Variants in MICU3 observed in about 807,000 individuals in gnomAD.
MICU3 encodes the protein calcium uptake protein 3, mitochondrial.
A neutral mutation model predicts 66.5 loss-of-function variants in MICU3; 62 were observed. That is an observed-to-expected ratio of 0.93 (90% CI 0.76 to 1.15). The LOEUF is 1.15. Ranked by LOEUF, MICU3 falls within the 50% of genes most tolerant of loss-of-function variation. The probability of loss-of-function intolerance (pLI) is 0.00; values close to 1 mark genes in which losing one functional copy is unlikely to be tolerated. For synonymous variants in MICU3, 308 were observed against 240.7 expected, an observed-to-expected ratio of 1.28 and a Z score of -2.59; for missense variants, 779 against 664.4, an observed-to-expected ratio of 1.17 and a Z score of -1.90.
At chr8:17,058,573 T>G (rs1817342587) in intron 1 of MICU3, among the ~76,000 whole-genome samples, 1 of 152,194 alleles carries the variant, frequency 6.6e-6, no homozygotes, top group Non-Finnish European at 1.5e-5. Flanking sequence ...ATGTTAAAAC[T>G]TCAGAGACTT....
At chr8:17,112,465 C>T (rs1301040422) in intron 11 of MICU3, among the ~76,000 whole-genome samples, 2 of 152,112 alleles carry the variant, frequency 1.3e-5, no homozygotes, top group East Asian at 3.9e-4. Context: ...CTGTCTGTCC[C>T]TCTTGGCCAT....
chr8:17,096,125 G>A (rs996836533), intron 8 of MICU3, among the ~76,000 whole-genome samples: 10 of 151,842 alleles, frequency 6.6e-5, no homozygotes, highest in African/African-American at 1.7e-4. Flanking sequence ...AAAGATAACC[G>A]AGAAAACTTC....
rs1803068699 is a variant in MICU3 at position 17,119,961 on chromosome 8, G to GA, written c.*1-319dup. Among the ~76,000 whole-genome samples the GA allele has an allele frequency of 4.0e-5, 6 of 151,726 alleles. No homozygotes were observed. In the South Asian group the frequency reaches 1.0e-3, roughly 26 times the overall value. ...CTTATAAATTCTTAAACTAAACATT[G>GA]AAAAAAAAGGAGGACCATTGTCTGG... On this transcript the variant is annotated intron_variant, in intron 14 of 14. Coordinates refer to ENST00000318063, the MANE Select transcript of MICU3 (RefSeq NM_181723.3).
the MICU3 span, among the ~76,000 whole-genome samples, chr8:17,133,596 T>A: frequency 6.6e-6 from 1 of 152,140 alleles, no homozygotes; most frequent in Non-Finnish European, 1.5e-5. Context: ...CCTCTTCCAA[T>A]TTAATAAACT....
At chr8:17,029,449 C>A (rs1811630058) in intron 1 of MICU3, among the ~76,000 whole-genome samples, 1 of 152,004 alleles carries the variant, frequency 6.6e-6, no homozygotes, top group South Asian at 2.1e-4. Context: ...GCACCCCAGC[C>A]TGGGTGACAA....
At position 17,122,631 on chromosome 8, in the gene MICU3, T is replaced by A. The variant is rs1161930787; in HGVS notation, c.*2344T>A. Reference sequence around the variant, plus strand: ...ATCTTAAAATAAATATTTCTGCCCTTGAATCAAGAAACATTGTACTTGGCT... The same window carrying A: ...ATCTTAAAATAAATATTTCTGCCCTAGAATCAAGAAACATTGTACTTGGCT... On this transcript the variant is annotated 3_prime_UTR_variant, in exon 15 of 15. Coordinates refer to ENST00000318063, the MANE Select transcript of MICU3 (RefSeq NM_181723.3). 1 of 151,994 alleles carries A rather than the reference T, an allele frequency of 6.6e-6. No individual in the cohort carries two copies. The highest frequency in any genetic ancestry group is 1.5e-5 in the Non-Finnish European group (1 of 67,840). The allele number at this position is 151,994 out of a possible 1,614,324, so 9.4% of individuals were successfully genotyped here.
intron 3 of MICU3, among the ~76,000 whole-genome samples, chr8:17,074,652 G>T (rs1820116105): frequency 6.7e-6 from 1 of 150,212 alleles, no homozygotes; most frequent in South Asian, 2.1e-4. Context: ...GCCACCCCTA[G>T]AGACAATTAA....
intron 3 of MICU3, among the ~76,000 whole-genome samples, chr8:17,073,110 A>G (rs1255234160): frequency 6.6e-6 from 1 of 152,188 alleles, no homozygotes; most frequent in East Asian, 1.9e-4. Flanking sequence ...AGGCTGGGGT[A>G]TATTTACTTT....
At chr8:17,127,190 A>G (rs1023795283), downstream of MICU3, among the ~76,000 whole-genome samples, 1 of 152,236 alleles carries the variant, frequency 6.6e-6, no homozygotes, top group African/African-American at 2.4e-5. Flanking sequence ...TGAAAAATCT[A>G]TGAAAAGCAC....
the MICU3 span, chr8:17,132,359 C>T: frequency 6.6e-6 from 1 of 152,168 alleles, no homozygotes; most frequent in Non-Finnish European, 1.5e-5. Context: ...CACCTCCAGC[C>T]AGAACCTGGT....
intron 9 of MICU3, among the ~76,000 whole-genome samples, chr8:17,101,760 T>A (rs1212757049): frequency 1.3e-5 from 2 of 151,892 alleles, no homozygotes; most frequent in Non-Finnish European, 2.9e-5. Context: ...CAGATGTATA[T>A]AATATGTAAT....
At chr8:17,103,833 T>A (rs1346685101) in intron 9 of MICU3, among the ~76,000 whole-genome samples, 1 of 151,968 alleles carries the variant, frequency 6.6e-6, no homozygotes, top group Admixed American at 6.6e-5. Flanking sequence ...GTCATATTAT[T>A]ACTTTAGTTT....
At chr8:17,105,233 A>C (rs1381847638) in intron 10 of MICU3, among the ~76,000 whole-genome samples, 180 bp from the exon 11 acceptor site, 2 of 152,006 alleles carry the variant, frequency 1.3e-5, no homozygotes, top group Non-Finnish European at 2.9e-5. Flanking sequence ...ACAGTCATTA[A>C]GTAGTAAAGC....
At chr8:17,125,464 A>G (rs1402396431), downstream of MICU3, among the ~76,000 whole-genome samples, 1 of 152,004 alleles carries the variant, frequency 6.6e-6, no homozygotes, top group Non-Finnish European at 1.5e-5. Context: ...ATACGTTCAT[A>G]TTTACAAAGA....
At chr8:17,135,100 C>G in the MICU3 span, among the ~76,000 whole-genome samples, 20 of 152,196 alleles carry the variant, frequency 1.3e-4, no homozygotes, top group Non-Finnish European at 2.2e-4. Context: ...CCTATTGTTG[C>G]TTTTAAGAAT....
At chr8:17,032,329 C>A (rs890031468) in intron 1 of MICU3, among the ~76,000 whole-genome samples, 6 of 151,864 alleles carry the variant, frequency 4.0e-5, no homozygotes, top group African/African-American at 1.5e-4. Context: ...AGCCTTAAAG[C>A]ACTATTTTTA....
At chr8:17,134,709 G>A in the MICU3 span, among the ~76,000 whole-genome samples, 1 of 152,146 alleles carries the variant, frequency 6.6e-6, no homozygotes, top group African/African-American at 2.4e-5. Context: ...CTCCCAAATT[G>A]CTGGGATCAT....
At chr8:17,088,296 G>A (rs184070288) in intron 7 of MICU3, among the ~76,000 whole-genome samples, 2 of 151,874 alleles carry the variant, frequency 1.3e-5, no homozygotes, top group African/African-American at 4.8e-5. Flanking sequence ...TATCAAAAGG[G>A]GCAGTAGTAG....
intron 1 of MICU3, among the ~76,000 whole-genome samples, chr8:17,029,211 C>T (rs1217935305): frequency 1.3e-5 from 2 of 152,230 alleles, no homozygotes; most frequent in Admixed American, 6.5e-5. Context: ...CGTGGTGGCT[C>T]ACGCCTGTAA....
Sources: allele counts gnomAD v4.1 joint callset (sites outside exome capture counted in the v4.1 genomes callset), GRCh38; gene constraint gnomAD v4.1.1; transcripts MANE v1.5; gene names NCBI Gene and HGNC (gene_info 2026-07-23, HGNC 2026-07-21).